Variants in SLC18A3 observed in about 807,000 individuals in gnomAD.
The protein encoded by SLC18A3 is solute carrier family 18 member A3.
Under a neutral mutation model 24.2 loss-of-function variants are expected in SLC18A3, and 18 were observed. The observed-to-expected ratio is 0.74, with a 90% confidence interval of 0.51 to 1.10. The LOEUF (loss-of-function observed/expected upper bound fraction) is 1.10. Among genes scored for constraint, SLC18A3 ranks in the 50% least tolerant of loss-of-function variants. The probability of loss-of-function intolerance (pLI) is 0.00; values close to 1 mark genes in which losing one functional copy is unlikely to be tolerated. For synonymous variants in SLC18A3, 415 were observed against 355.4 expected (o/e 1.17, Z -1.89); for missense variants, 744 against 750.7 (o/e 0.99, Z 0.10).
Position 49,612,604 on chromosome 10 carries a change from C to A in SLC18A3, c.*265C>A, listed in dbSNP as rs1838331783. Reference sequence around the variant, plus strand: ...GAGGACCCTGAGTCCCCACCTGCGGCTCCCCTGTGTAGAGCCTGCATCTGT... The same window carrying A: ...GAGGACCCTGAGTCCCCACCTGCGGATCCCCTGTGTAGAGCCTGCATCTGT... On this transcript the variant is annotated 3_prime_UTR_variant, in exon 1 of 1. Coordinates refer to ENST00000374115, the MANE Select transcript of SLC18A3 (RefSeq NM_003055.3). 3 of 490,208 alleles carry A rather than the reference C, an allele frequency of 6.1e-6. No individual in the cohort carries two copies. Among genetic ancestry groups the A allele is most frequent in the Non-Finnish European group, 1.1e-5 (3 of 271,460 alleles). 30.4% of individuals were successfully genotyped at this position (490,208 alleles called of 1,614,324 possible).
At position 49,611,832 on chromosome 10, in the gene SLC18A3, G is replaced by C. The variant is rs150494839; in HGVS notation, c.1092G>C (p.Leu364=). The change falls in exon 1 of 1, where the codon CTG becomes CTC. Residue 364 remains leucine (L), a synonymous_variant. Transcript: ENST00000374115. The part of the protein sequence containing the change: ...HLQWLYGALG[L]AVIGASSCIV... ...AGTGGCTGTACGGCGCGCTTGGGCTGGCTGTGATCGGCGCCAGCTCGTGCA... is the reference window on the plus strand; with the variant it reads ...AGTGGCTGTACGGCGCGCTTGGGCTCGCTGTGATCGGCGCCAGCTCGTGCA... 31 of 1,604,256 alleles carry C rather than the reference G, an allele frequency of 1.9e-5. No homozygotes were observed. The African/African-American group carries it at 3.6e-4, about 19-fold the overall frequency.
At position 49,610,332 on chromosome 10, in the gene SLC18A3, G is replaced by C. The variant is rs1366451710; in HGVS notation, c.-409G>C. 1 of 184,606 alleles carries C rather than the reference G, an allele frequency of 5.4e-6. No homozygotes were observed. Among genetic ancestry groups the C allele is most frequent in the Non-Finnish European group, 1.1e-5 (1 of 89,688 alleles). 11.4% of individuals were successfully genotyped at this position (184,606 alleles called of 1,614,324 possible). A position where few individuals can be genotyped will look rare whatever the true frequency, so the allele number is the denominator to read the frequency against. Reference sequence around the variant, plus strand: ...GGCAAGAGCCGACGCGAGGGGAGGGGAGCGCAGCGGCGGGGCTAACGGGCG... The same window carrying C: ...GGCAAGAGCCGACGCGAGGGGAGGGCAGCGCAGCGGCGGGGCTAACGGGCG... On this transcript the variant is annotated 5_prime_UTR_variant, in exon 1 of 1. Coordinates refer to ENST00000374115, the MANE Select transcript of SLC18A3 (RefSeq NM_003055.3).
rs936531332 is a variant in SLC18A3 at position 49,611,426 on chromosome 10, C to T, written c.686C>T (p.Pro229Leu). The T allele has an allele frequency of 3.1e-6, 5 of 1,597,650 alleles. No individual in the cohort carries two copies. The highest frequency in any genetic ancestry group is 1.1e-5 in the South Asian group (1 of 90,734). Reference protein sequence around the residue: ...AFISFGSLVAPPFGGILYEFA... With the variant: ...AFISFGSLVALPFGGILYEFA... ...ATTAGCTTCGGAAGCCTAGTGGCCC[C>T]GCCCTTCGGGGGCATCCTCTATGAG... The change falls in exon 1 of 1, where the codon CCG becomes CTG. Residue 229 changes from proline to leucine, a missense_variant. Coordinates refer to ENST00000374115, the MANE Select transcript of SLC18A3 (RefSeq NM_003055.3).
chr10:49,610,670 G>C lies in SLC18A3; in HGVS notation c.-71G>C. ...AGCCTCCCCGAAGTCCCGTGCCCTC[G>C]CCTCTGCACTGCGGGACGCCAGCGC... On this transcript the variant is annotated 5_prime_UTR_variant, in exon 1 of 1. Coordinates refer to ENST00000374115, the MANE Select transcript of SLC18A3 (RefSeq NM_003055.3). 2 of 1,402,152 alleles carry C rather than the reference G, an allele frequency of 1.4e-6. No homozygotes were observed. The highest frequency in any genetic ancestry group is 1.6e-5 in the South Asian group (1 of 64,330). The allele number at this position is 1,402,152 out of a possible 1,614,324, so 86.9% of individuals were successfully genotyped here. A position where few individuals can be genotyped will look rare whatever the true frequency, so the allele number is the denominator to read the frequency against.
chr10:49,610,920 C>A lies in SLC18A3; in HGVS notation c.180C>A (p.Tyr60Ter). Residue 60 changes from tyrosine (Y) to a stop codon, truncating the protein, a stop_gained, in exon 1 of 1, where the codon TAC becomes TAA. Coordinates refer to ENST00000374115, the MANE Select transcript of SLC18A3 (RefSeq NM_003055.3). LOFTEE classifies it high-confidence loss of function. ...TCATCGTGCCCATAGTGCCCGACTACATCGCCCACATGCGCGGGGGCGGCG... is the reference window on the plus strand; with the variant it reads ...TCATCGTGCCCATAGTGCCCGACTAAATCGCCCACATGCGCGGGGGCGGCG... ...YMVIVPIVPD[Y>*]IAHMRGGGEG... 6.2e-7 allele frequency: 1 copy of A among 1,611,548 alleles called. No individual in the cohort carries two copies. The highest frequency in any genetic ancestry group is 1.3e-5 in the African/African-American group (1 of 74,988).
chr10:49,610,662 G>A lies in SLC18A3; in HGVS notation c.-79G>A, dbSNP rs1402182110. On this transcript the variant is annotated 5_prime_UTR_variant, in exon 1 of 1. In the 5' UTR this introduces an upstream ATG that the reference lacks. Coordinates refer to ENST00000374115, the MANE Select transcript of SLC18A3 (RefSeq NM_003055.3). ...GCCAGGACAGCCTCCCCGAAGTCCCGTGCCCTCGCCTCTGCACTGCGGGAC... is the reference window on the plus strand; with the variant it reads ...GCCAGGACAGCCTCCCCGAAGTCCCATGCCCTCGCCTCTGCACTGCGGGAC... The A allele has an allele frequency of 2.2e-6, 3 of 1,376,140 alleles. No homozygotes were observed. Among genetic ancestry groups the A allele is most frequent in the Admixed American group, 6.1e-5 (2 of 32,892 alleles). 85.2% of individuals were successfully genotyped at this position (1,376,140 alleles called of 1,614,324 possible). A position where few individuals can be genotyped will look rare whatever the true frequency, so the allele number is the denominator to read the frequency against.
Position 49,611,675 on chromosome 10 carries a change from T to C in SLC18A3, c.935T>C (p.Ile312Thr). The C allele has an allele frequency of 6.2e-7, 1 of 1,611,204 alleles. No individual in the cohort carries two copies. The highest frequency in any genetic ancestry group is 2.2e-5 in the East Asian group (1 of 44,872). Residue 312 changes from isoleucine (I) to threonine (T), a missense_variant, in exon 1 of 1, where the codon ATT becomes ACT. Ile to Thr is a moderately conservative substitution (Grantham distance 89). Transcript: ENST00000374115. ...CCCCTCGCCTTCCTCGAACCCACCA[T>C]TGCCACGTGGATGAAGCATACGATG... ...NIPLAFLEPT[I>T]ATWMKHTMAA...
rs138145399 is a variant in SLC18A3 at position 49,610,991 on chromosome 10, T to G, written c.251T>G (p.Leu84Arg). Residue 84 changes from leucine (L) to arginine (R), a missense_variant, in exon 1 of 1, where the codon CTG becomes CGG. Around this residue, in one of 3 missense-constraint regions of SLC18A3, gnomAD observed 566 missense variants for 566.2 expected, o/e 1.00. Transcript: ENST00000374115. ...GAGGTGTGGGAGCCCACCCTGCCGC[T>G]GCCCACTCCGGCCAATGCCAGCGCC... Reference protein sequence around the residue: ...TPEVWEPTLPLPTPANASAYT... With the variant: ...TPEVWEPTLPRPTPANASAYT... 2 of 1,612,356 alleles carry G rather than the reference T, an allele frequency of 1.2e-6. No homozygotes were observed. The highest frequency in any genetic ancestry group is 1.7e-6 in the Non-Finnish European group (2 of 1,178,990).
Position 49,610,952 on chromosome 10 carries a change from C to A in SLC18A3, c.212C>A (p.Pro71His). The A allele has an allele frequency of 6.2e-7, 1 of 1,610,754 alleles. No homozygotes were observed. Among genetic ancestry groups the A allele is most frequent in the Non-Finnish European group, 8.5e-7 (1 of 1,178,008 alleles). ...CACATGCGCGGGGGCGGCGAGGGCC[C>A]CACCCGGACTCCCGAGGTGTGGGAG... is the stretch of plus-strand genomic sequence containing the variant. ...IAHMRGGGEG[P>H]TRTPEVWEPT... is the part of the protein sequence containing the mutation. Residue 71 changes from proline (P) to histidine (H), a missense_variant, in exon 1 of 1, where the codon CCC becomes CAC. Physicochemically the swap from Pro to His is moderately conservative, Grantham distance 77 (BLOSUM62 -2). Transcript: ENST00000374115.
rs758567871 is a variant in SLC18A3, at chr10:49,610,948, G to A, written c.208G>A (p.Gly70Ser). Residue 70 changes from glycine (G) to serine (S), a missense_variant, in exon 1 of 1, where the codon GGC becomes AGC. By Grantham distance (56) the Gly-to-Ser change is moderately conservative. Transcript: ENST00000374115. ...YIAHMRGGGE[G>S]PTRTPEVWEP... ...CGCCCACATGCGCGGGGGCGGCGAGGGCCCCACCCGGACTCCCGAGGTGTG... is the reference window on the plus strand; with the variant it reads ...CGCCCACATGCGCGGGGGCGGCGAGAGCCCCACCCGGACTCCCGAGGTGTG... 201 of 1,610,380 alleles carry A rather than the reference G, an allele frequency of 1.2e-4. 1 individual carries two copies. In the South Asian group the frequency reaches 2.2e-3, roughly 17 times the overall value.
chr10:49,612,239 G>A lies in SLC18A3; in HGVS notation c.1499G>A (p.Arg500His). 1 of 1,609,782 alleles carries A rather than the reference G, an allele frequency of 6.2e-7. No individual in the cohort carries two copies. Among genetic ancestry groups the A allele is most frequent in the Non-Finnish European group, 8.5e-7 (1 of 1,180,006 alleles). ...PQGLYDAVRLRERPVSGQDGE... is the reference protein window; with the variant it reads ...PQGLYDAVRLHERPVSGQDGE... Reference sequence around the variant, plus strand: ...GGTCTGTACGATGCGGTGCGCCTGCGTGAGCGTCCTGTGTCTGGCCAGGAC... The same window carrying A: ...GGTCTGTACGATGCGGTGCGCCTGCATGAGCGTCCTGTGTCTGGCCAGGAC... Residue 500 changes from arginine (R) to histidine (H), a missense_variant, in exon 1 of 1, where the codon CGT (arginine) becomes CAT (histidine). Physicochemically the swap from Arg to His is conservative, Grantham distance 29. This residue lies in a region of SLC18A3 where 160 missense variants were observed against 140.9 expected (regional missense o/e 1.14). Transcript: ENST00000374115.
Position 49,611,984 on chromosome 10 carries a change from CA to C in SLC18A3, c.1245del (p.Val416SerfsTer22). ...LAFLVDVRHV[S>X]VYGSVYAIAD... is the part of the protein sequence containing the mutation. Reference sequence around the variant, plus strand: ...TTCCTGGTGGACGTGCGCCATGTCTCAGTCTATGGCAGCGTCTACGCCATCG... The same window carrying C: ...TTCCTGGTGGACGTGCGCCATGTCTCGTCTATGGCAGCGTCTACGCCATCG... On this transcript the variant is annotated frameshift_variant, in exon 1 of 1. Transcript: ENST00000374115. LOFTEE classifies it high-confidence loss of function. The C allele has an allele frequency of 1.2e-6, 2 of 1,613,604 alleles. No individual in the cohort carries two copies. Among genetic ancestry groups the C allele is most frequent in the Non-Finnish European group, 1.7e-6 (2 of 1,179,852 alleles).
rs1030884563 is a variant in SLC18A3 at position 49,610,688 on chromosome 10, G to C, written c.-53G>C. The C allele has an allele frequency of 4.7e-5, 68 of 1,443,918 alleles. No individual in the cohort carries two copies. The highest frequency in any genetic ancestry group is 5.9e-5 in the Non-Finnish European group (65 of 1,104,094). The allele number at this position is 1,443,918 out of a possible 1,614,324, so 89.4% of individuals were successfully genotyped here. A position where few individuals can be genotyped will look rare whatever the true frequency, so the allele number is the denominator to read the frequency against. The stretch of plus-strand genomic sequence containing the variant: ...TGCCCTCGCCTCTGCACTGCGGGAC[G>C]CCAGCGCTCGGCCCTGGCGGAGGCG... On this transcript the variant is annotated 5_prime_UTR_variant, in exon 1 of 1. Coordinates refer to ENST00000374115, the MANE Select transcript of SLC18A3 (RefSeq NM_003055.3).
At position 49,611,561 on chromosome 10, in the gene SLC18A3, C is replaced by T; in HGVS notation, c.821C>T (p.Ala274Val). The T allele has an allele frequency of 1.9e-6, 3 of 1,605,774 alleles. No homozygotes were observed. The highest frequency in any genetic ancestry group is 8.5e-7 in the Non-Finnish European group (1 of 1,179,956). Residue 274 changes from alanine (A) to valine (V), a missense_variant, in exon 1 of 1, where the codon GCC becomes GTC. This residue lies in a region of SLC18A3 where 566 missense variants were observed against 566.2 expected (regional missense o/e 1.00). Coordinates refer to ENST00000374115, the MANE Select transcript of SLC18A3 (RefSeq NM_003055.3). ...KPFSAAARAR[A>V]NLPVGTPIHR... ...TTCTCGGCGGCTGCACGGGCTCGGG[C>T]CAACCTGCCAGTGGGCACTCCCATC...
Position 49,610,946 on chromosome 10 carries a change from A to G in SLC18A3, c.206A>G (p.Glu69Gly). The change falls in exon 1 of 1, where the codon GAG becomes GGG. Residue 69 changes from glutamate to glycine, a missense_variant. Glu to Gly is a moderately conservative substitution (Grantham distance 98). Around this residue, in one of 3 missense-constraint regions of SLC18A3, gnomAD observed 566 missense variants for 566.2 expected, o/e 1.00. Coordinates refer to ENST00000374115, the MANE Select transcript of SLC18A3 (RefSeq NM_003055.3). ...ATCGCCCACATGCGCGGGGGCGGCG[A>G]GGGCCCCACCCGGACTCCCGAGGTG... ...DYIAHMRGGG[E>G]GPTRTPEVWE... 6.2e-6 allele frequency: 10 copies of G among 1,610,600 alleles called. No individual in the cohort carries two copies. The highest frequency in any genetic ancestry group is 8.5e-6 in the Non-Finnish European group (10 of 1,177,886).
chr10:49,610,733 G>C lies in SLC18A3; in HGVS notation c.-8G>C. ...GAGGCGTCCTCGGAAGAGCATCGGG[G>C]TGGGGGCATGGAATCCGCGGAACCT... On this transcript the variant is annotated 5_prime_UTR_variant, in exon 1 of 1. Coordinates refer to ENST00000374115, the MANE Select transcript of SLC18A3 (RefSeq NM_003055.3). 4 of 1,506,392 alleles carry C rather than the reference G, an allele frequency of 2.7e-6. No individual in the cohort carries two copies. Among genetic ancestry groups the C allele is most frequent in the Non-Finnish European group, 3.5e-6 (4 of 1,130,572 alleles). The allele number at this position is 1,506,392 out of a possible 1,614,324, so 93.3% of individuals were successfully genotyped here. A position where few individuals can be genotyped will look rare whatever the true frequency, so the allele number is the denominator to read the frequency against.
At position 49,611,826 on chromosome 10, in the gene SLC18A3, TG is replaced by T. The variant is rs745998892; in HGVS notation, c.1089del (p.Leu364TrpfsTer3). The stretch of plus-strand genomic sequence containing the variant: ...ACCTGCAGTGGCTGTACGGCGCGCT[TG>T]GGCTGGCTGTGATCGGCGCCAGCTC... The part of the protein sequence containing the change: ...PHLQWLYGAL[G>X]LAVIGASSCI... On this transcript the variant is annotated frameshift_variant, in exon 1 of 1. Coordinates refer to ENST00000374115, the MANE Select transcript of SLC18A3 (RefSeq NM_003055.3). LOFTEE classifies it high-confidence loss of function. 2 of 1,604,098 alleles carry T rather than the reference TG, an allele frequency of 1.2e-6. No homozygotes were observed. Among genetic ancestry groups the T allele is most frequent in the Non-Finnish European group, 1.7e-6 (2 of 1,179,732 alleles).
rs781140940 is a variant in SLC18A3, at chr10:49,612,402, C to T, written c.*63C>T. On this transcript the variant is annotated 3_prime_UTR_variant, in exon 1 of 1. Coordinates refer to ENST00000374115, the MANE Select transcript of SLC18A3 (RefSeq NM_003055.3). ...GGTCAAGGGGGCTGCTCTGCAAGCC[C>T]ACTGGCCAGCTCTGGCTCAGGGCCC... The T allele has an allele frequency of 2.4e-5, 36 of 1,494,204 alleles. No individual in the cohort carries two copies. Among genetic ancestry groups the T allele is most frequent in the Non-Finnish European group, 3.2e-5 (35 of 1,108,206 alleles). 92.6% of individuals were successfully genotyped at this position (1,494,204 alleles called of 1,614,324 possible).
rs2132687477 is a variant in SLC18A3, at chr10:49,611,591, G to A, written c.851G>A (p.Arg284His). 1 of 1,609,728 alleles carries A rather than the reference G, an allele frequency of 6.2e-7. No homozygotes were observed. Among genetic ancestry groups the A allele is most frequent in the Non-Finnish European group, 8.5e-7 (1 of 1,179,968 alleles). ...CTGCCAGTGGGCACTCCCATCCACC[G>A]CCTCATGCTAGACCCCTACATTGCC... ...ANLPVGTPIH[R>H]LMLDPYIAVV... Residue 284 changes from arginine to histidine, a missense_variant, in exon 1 of 1, where the codon CGC becomes CAC. Arg to His is a conservative substitution (Grantham distance 29, BLOSUM62 0). Coordinates refer to ENST00000374115, the MANE Select transcript of SLC18A3 (RefSeq NM_003055.3).
Sources: allele counts gnomAD v4.1 joint callset, GRCh38; gene constraint gnomAD v4.1.1; regional missense constraint gnomAD v4.1.1; transcripts MANE v1.5; gene names NCBI Gene and HGNC (gene_info 2026-07-23, HGNC 2026-07-21).